MLLT1: variants seen among roughly 807,000 people sequenced by gnomAD.
The protein encoded by MLLT1 is protein ENL.
Under a neutral mutation model 55.1 loss-of-function variants are expected in MLLT1, and 11 were observed. The observed-to-expected ratio is 0.20, with a 90% confidence interval of 0.13 to 0.33. The LOEUF (loss-of-function observed/expected upper bound fraction) is 0.33. Ranked by LOEUF, MLLT1 falls within the 10% of genes least tolerant of loss-of-function variation. The probability of loss-of-function intolerance (pLI) is 1.00; values close to 1 mark genes in which losing one functional copy is unlikely to be tolerated. For missense variants in MLLT1, 536 were observed against 760.6 expected (o/e 0.70, Z 3.47); for synonymous variants, 323 against 320.1 (o/e 1.01, Z -0.10).
At position 6,253,661 on chromosome 19, in the gene MLLT1, G is replaced by A. The variant is rs74931772; in HGVS notation, c.276+8567C>T. ...GGGATTTATCCCAGGAATGCAAGGC[G>A]GCAGGGGGTTCCTACATAAAAATCC... On this transcript the variant is annotated intron_variant, in intron 3 of 11. Coordinates refer to ENST00000252674, the MANE Select transcript of MLLT1 (RefSeq NM_005934.4). 8.5e-5 allele frequency among the ~76,000 whole-genome samples: 13 copies of A among 152,182 alleles called. No individual in the cohort carries two copies. The East Asian group carries it at 1.2e-3, about 14-fold the overall frequency.
intron 6 of MLLT1, among the ~76,000 whole-genome samples, chr19:6,218,550 C>T (rs1231402654): frequency 3.9e-5 from 6 of 152,248 alleles, no homozygotes; most frequent in African/African-American, 1.2e-4. Context: ...CTGCTCCTAC[C>T]GCCAGCTGCC....
intron 3 of MLLT1, among the ~76,000 whole-genome samples, chr19:6,243,693 CA>C (rs989452285): frequency 6.6e-6 from 1 of 152,068 alleles, no homozygotes; most frequent in Admixed American, 6.5e-5. Context: ...CTCTGCCTTT[CA>C]AACAGCTGCC....
intron 3 of MLLT1, among the ~76,000 whole-genome samples, chr19:6,247,138 A>C (rs1293504012): frequency 6.6e-6 from 1 of 152,134 alleles, no homozygotes; most frequent in Non-Finnish European, 1.5e-5. Flanking sequence ...AGAGGAACGT[A>C]CGTTTGTTTT....
chr19:6,224,030 A>G (rs117585913), intron 5 of MLLT1, among the ~76,000 whole-genome samples: 2,712 of 152,266 alleles, frequency 0.018, 40 homozygotes, highest in Middle Eastern at 0.051. Context: ...GCCACGCTTC[A>G]CAGATCCCCC....
At chr19:6,245,473 G>A (rs1031052254) in intron 3 of MLLT1, among the ~76,000 whole-genome samples, 1 of 151,892 alleles carries the variant, frequency 6.6e-6, no homozygotes, top group Admixed American at 6.6e-5. Context: ...CACTTTGGGA[G>A]GCCGAGGTGG....
chr19:6,241,613 T>A (rs991032235), intron 3 of MLLT1, among the ~76,000 whole-genome samples: 6 of 152,212 alleles, frequency 3.9e-5, no homozygotes, highest in African/African-American at 1.4e-4. Context: ...GGGGTGGCCG[T>A]GGCGGGCGCA....
At chr19:6,272,987 G>A (rs2091406841) in intron 1 of MLLT1, among the ~76,000 whole-genome samples, 1 of 152,182 alleles carries the variant, frequency 6.6e-6, no homozygotes, top group African/African-American at 2.4e-5. Flanking sequence ...AAAAGGAAAG[G>A]GGGCAGAGGG....
Position 6,216,529 on chromosome 19 carries a change from A to C in MLLT1, c.1199-16T>G. ...CGCAGGGGTCCTGGGGAGGCGGGGC[A>C]GGGAGGGAGGGGAGACAAGGGCAGG... On this transcript the variant is annotated splice_polypyrimidine_tract_variant and intron_variant, in intron 7 of 11. Transcript: ENST00000252674. 6.1e-6 allele frequency: 6 copies of C among 980,948 alleles called. No homozygotes were observed. Among genetic ancestry groups the C allele is most frequent in the South Asian group, 1.3e-5 (1 of 74,784 alleles). 60.8% of individuals were successfully genotyped at this position (980,948 alleles called of 1,614,324 possible).
intron 2 of MLLT1, among the ~76,000 whole-genome samples, chr19:6,265,669 T>TCAA (rs942621477): frequency 1.4e-5 from 2 of 143,866 alleles, no homozygotes; most frequent in Non-Finnish European, 1.5e-5. Flanking sequence ...AAACTCTGTT[T>TCAA]CAACAACAAC....
At chr19:6,213,454 C>A in intron 10 of MLLT1, 46 bp from the exon 11 acceptor site, 1 of 1,459,034 alleles carries the variant, frequency 6.9e-7, no homozygotes, top group Non-Finnish European at 9.6e-7. Flanking sequence ...GGCCCTGGAC[C>A]CTTCCTGCTC....
chr19:6,213,609 C>T (rs1238906547), intron 10 of MLLT1, 117 bp downstream of exon 10: 2 of 1,122,150 alleles, frequency 1.8e-6, no homozygotes, highest in Admixed American at 1.8e-5. Flanking sequence ...GTCCCTGCTC[C>T]TGCCCAGGAA....
Position 6,218,344 on chromosome 19 carries a change from G to T in MLLT1, c.1111-303C>A, listed in dbSNP as rs140501905. On this transcript the variant is annotated intron_variant, in intron 6 of 11. Coordinates refer to ENST00000252674, the MANE Select transcript of MLLT1 (RefSeq NM_005934.4). ...CTGTCTACCCAGGCAGGTGCACAGG[G>T]TACTGGGAGGGAGGCTGGGGCAGGG... is the stretch of plus-strand genomic sequence containing the variant. Among the ~76,000 whole-genome samples the T allele has an allele frequency of 1.9e-3, 290 of 152,364 alleles. 1 individual carries two copies. The highest frequency in any genetic ancestry group is 6.7e-3 in the African/African-American group (280 of 41,592).
chr19:6,226,246 C>T lies in MLLT1; in HGVS notation c.546+731G>A, dbSNP rs904999125. 2.0e-5 allele frequency among the ~76,000 whole-genome samples: 3 copies of T among 152,294 alleles called. No homozygotes were observed. Among genetic ancestry groups the T allele is most frequent in the South Asian group, 2.1e-4 (1 of 4,826 alleles). ...GCACCGGGCAGCTGCCCCGAGGGCCCGTGCCGCTCAGCCTCCAGGAACGGC... is the reference window on the plus strand; with the variant it reads ...GCACCGGGCAGCTGCCCCGAGGGCCTGTGCCGCTCAGCCTCCAGGAACGGC... On this transcript the variant is annotated intron_variant, in intron 5 of 11. Coordinates refer to ENST00000252674, the MANE Select transcript of MLLT1 (RefSeq NM_005934.4). This position sits in a 1 kb window ranked among gnomAD's most constrained non-coding sequence, Gnocchi z 6.3.
chr19:6,262,182 G>A lies in MLLT1; in HGVS notation c.276+46C>T, dbSNP rs2091311225. 2.0e-6 allele frequency: 3 copies of A among 1,506,318 alleles called. No individual in the cohort carries two copies. Among genetic ancestry groups the A allele is most frequent in the Non-Finnish European group, 2.8e-6 (3 of 1,082,908 alleles). 93.3% of individuals were successfully genotyped at this position (1,506,318 alleles called of 1,614,324 possible). ...GAACTGCCGTGGCACCCGGAGCAGGGGTCCCCACAGAGAGGCATCCTGCTT... is the reference window on the plus strand; with the variant it reads ...GAACTGCCGTGGCACCCGGAGCAGGAGTCCCCACAGAGAGGCATCCTGCTT... On this transcript the variant is annotated intron_variant, in intron 3 of 11. Coordinates refer to ENST00000252674, the MANE Select transcript of MLLT1 (RefSeq NM_005934.4). This position sits in a 1 kb window ranked among gnomAD's most constrained non-coding sequence, Gnocchi z 4.4.
intron 3 of MLLT1, among the ~76,000 whole-genome samples, chr19:6,236,765 G>A (rs1309545012): frequency 1.3e-5 from 2 of 152,188 alleles, no homozygotes; most frequent in South Asian, 4.1e-4. Flanking sequence ...GGGAGATGTT[G>A]GGATAGCAGC....
Position 6,262,110 on chromosome 19 carries a change from T to G in MLLT1, c.276+118A>C. On this transcript the variant is annotated intron_variant, in intron 3 of 11. Coordinates refer to ENST00000252674, the MANE Select transcript of MLLT1 (RefSeq NM_005934.4). This position sits in a 1 kb window ranked among gnomAD's most constrained non-coding sequence, Gnocchi z 4.4. ...GACCAGCACCCCCCGCAGCACTCAC[T>G]GGAATGTCTGTGCATGGGCAGCGGC... 2.6e-6 allele frequency: 2 copies of G among 777,480 alleles called. No individual in the cohort carries two copies. The highest frequency in any genetic ancestry group is 5.1e-5 in the East Asian group (2 of 39,296). 48.2% of individuals were successfully genotyped at this position (777,480 alleles called of 1,614,324 possible).
At chr19:6,274,219 C>T (rs1469888848) in intron 1 of MLLT1, among the ~76,000 whole-genome samples, 2 of 152,232 alleles carry the variant, frequency 1.3e-5, no homozygotes, top group African/African-American at 4.8e-5. Context: ...ATAACAGAGT[C>T]TCTGCTGTTG....
chr19:6,250,262 A>C (rs1318621563), intron 3 of MLLT1, among the ~76,000 whole-genome samples: 1 of 152,178 alleles, frequency 6.6e-6, no homozygotes, highest in African/African-American at 2.4e-5. Flanking sequence ...AAAAAACAGG[A>C]GATAACAAAT....
intron 3 of MLLT1, among the ~76,000 whole-genome samples, chr19:6,242,219 TC>T (rs2091120947): frequency 1.3e-5 from 2 of 152,180 alleles, no homozygotes; most frequent in Non-Finnish European, 2.9e-5. Flanking sequence ...AAGAGCCATC[TC>T]CACTCTACAG....
Sources: allele counts gnomAD v4.1 joint callset (sites outside exome capture counted in the v4.1 genomes callset), GRCh38; gene constraint gnomAD v4.1.1; non-coding constraint Gnocchi (gnomAD v3.1); transcripts MANE v1.5; gene names NCBI Gene and HGNC (gene_info 2026-07-23, HGNC 2026-07-21).